Variants in CEP112 observed in about 807,000 individuals in gnomAD.
CEP112 encodes centrosomal protein of 112 kDa.
CEP112 carries 127 observed loss-of-function variants against 153.0 expected under a neutral mutation model. The ratio of observed to expected loss-of-function variants is 0.83; its 90% CI spans 0.72 to 0.96. CEP112 has a LOEUF of 0.96. Among genes scored for constraint, CEP112 ranks in the 40% least tolerant of loss-of-function variants. The pLI is 0.00. For missense variants in CEP112, 1,089 were observed against 1,101.2 expected (o/e 0.99, Z 0.16); for synonymous variants, 358 against 374.4 (o/e 0.96, Z 0.51).
chr17:65,886,749 T>A (rs1380363943), intron 20 of CEP112, among the ~76,000 whole-genome samples: 1 of 152,234 alleles, frequency 6.6e-6, no homozygotes, highest in East Asian at 1.9e-4. Context: ...AATAATTAAT[T>A]TGTGCACCAA....
At chr17:65,932,427 G>C (rs746954238) in intron 18 of CEP112, among the ~76,000 whole-genome samples, 1 of 152,182 alleles carries the variant, frequency 6.6e-6, no homozygotes, top group African/African-American at 2.4e-5. Flanking sequence ...CTAAAAATAT[G>C]AGGATCTATA....
intron 23 of CEP112, among the ~76,000 whole-genome samples, chr17:65,734,340 G>A (rs1189652267): frequency 6.6e-6 from 1 of 152,166 alleles, no homozygotes; most frequent in East Asian, 1.9e-4. Flanking sequence ...GAGGGAGACT[G>A]GAGGGTGATG....
intron 4 of CEP112, among the ~76,000 whole-genome samples, chr17:66,164,250 A>G (rs1170624362): frequency 6.6e-6 from 1 of 152,190 alleles, no homozygotes; most frequent in Non-Finnish European, 1.5e-5. Context: ...TCCATTGTAT[A>G]AAAGATTGTC....
intron 2 of CEP112, among the ~76,000 whole-genome samples, chr17:66,179,449 A>G (rs1314476194): frequency 6.6e-6 from 1 of 151,934 alleles, no homozygotes; most frequent in Non-Finnish European, 1.5e-5. Context: ...TATTTGTAGC[A>G]ATTGGAAATG....
chr17:65,932,323 C>G (rs2061155002), intron 18 of CEP112, among the ~76,000 whole-genome samples: 1 of 152,112 alleles, frequency 6.6e-6, no homozygotes, highest in Non-Finnish European at 1.5e-5. Flanking sequence ...ATCAAACGTA[C>G]AGACATGAAG....
chr17:65,962,762 A>G (rs971482603), intron 17 of CEP112, among the ~76,000 whole-genome samples: 13 of 152,058 alleles, frequency 8.5e-5, no homozygotes, highest in Non-Finnish European at 1.5e-4. Context: ...TTTTAACAAG[A>G]GGAGTTCCCC....
At chr17:66,096,230 T>G in intron 8 of CEP112, 21 bp downstream of exon 8, 3 of 1,533,024 alleles carry the variant, frequency 2.0e-6, no homozygotes, top group Non-Finnish European at 1.8e-6. Context: ...AATGGGTTTA[T>G]CAGCAATATC....
intron 21 of CEP112, among the ~76,000 whole-genome samples, chr17:65,779,647 G>A (rs926463418): frequency 3.3e-5 from 5 of 152,036 alleles, no homozygotes; most frequent in Admixed American, 6.6e-5. Flanking sequence ...GTTTCAATTC[G>A]TTTCTAGAAA....
chr17:65,684,835 A>T (rs1219201186), intron 24 of CEP112, among the ~76,000 whole-genome samples: 2 of 152,126 alleles, frequency 1.3e-5, no homozygotes, highest in Non-Finnish European at 2.9e-5. Context: ...CTTCCTGATG[A>T]CTCAGTTTCT....
chr17:65,879,064 G>C (rs75790124), intron 20 of CEP112, among the ~76,000 whole-genome samples: 428 of 152,324 alleles, frequency 2.8e-3, no homozygotes, highest in African/African-American at 9.9e-3. Flanking sequence ...TATCCCATCT[G>C]CGTAAACTGA....
At chr17:65,711,237 A>C (rs778099298) in intron 23 of CEP112, among the ~76,000 whole-genome samples, 6 of 152,174 alleles carry the variant, frequency 3.9e-5, no homozygotes, top group Non-Finnish European at 1.5e-5. Context: ...TGAAACCTTC[A>C]AATGCATGGT....
chr17:65,871,317 C>T (rs1208753172), intron 20 of CEP112, among the ~76,000 whole-genome samples: 1 of 152,092 alleles, frequency 6.6e-6, no homozygotes, highest in Non-Finnish European at 1.5e-5. Context: ...TTTTGGTGCA[C>T]TGTGTTCACT....
At chr17:65,979,251 T>C (rs984640725) in intron 17 of CEP112, among the ~76,000 whole-genome samples, 2 of 152,076 alleles carry the variant, frequency 1.3e-5, no homozygotes, top group African/African-American at 4.8e-5. Context: ...TATTTATTTA[T>C]TTTTTGCTTT....
intron 21 of CEP112, among the ~76,000 whole-genome samples, chr17:65,781,647 A>G (rs990723047): frequency 6.6e-6 from 1 of 152,228 alleles, no homozygotes; most frequent in African/African-American, 2.4e-5. Context: ...TACTGGTACA[A>G]AAACAGACAC....
chr17:65,816,640 A>G (rs901397298), intron 21 of CEP112, among the ~76,000 whole-genome samples: 1 of 152,084 alleles, frequency 6.6e-6, no homozygotes, highest in African/African-American at 2.4e-5. Context: ...CATTCCTGAG[A>G]TAAACCCTAC....
chr17:66,038,110 A>AAAAAAAAAAAAAAAAAAG (rs71293591), intron 12 of CEP112, among the ~76,000 whole-genome samples: 55 of 120,628 alleles, frequency 4.6e-4, no homozygotes, highest in African/African-American at 6.6e-4. Flanking sequence ...CAAAAAAAAA[A>AAAAAAAAAAAAAAAAAAG]AAAAGAAAAG....
intron 4 of CEP112, among the ~76,000 whole-genome samples, chr17:66,168,963 G>C (rs1247724986): frequency 2.0e-5 from 3 of 152,054 alleles, no homozygotes; most frequent in South Asian, 4.1e-4. Flanking sequence ...CCCTCCTCTT[G>C]GAAACTGTGA....
chr17:65,970,019 A>G (rs1173271190), intron 17 of CEP112, among the ~76,000 whole-genome samples: 1 of 152,204 alleles, frequency 6.6e-6, no homozygotes, highest in East Asian at 1.9e-4. Context: ...TGTATTGCGA[A>G]CATGCACGCC....
intron 17 of CEP112, among the ~76,000 whole-genome samples, chr17:65,984,585 C>T (rs866360661): frequency 6.6e-6 from 1 of 152,026 alleles, no homozygotes; most frequent in Non-Finnish European, 1.5e-5. Flanking sequence ...GAGTAAGCTA[C>T]AGGAGAATAT....
Sources: allele counts gnomAD v4.1 joint callset (sites outside exome capture counted in the v4.1 genomes callset), GRCh38; gene constraint gnomAD v4.1.1; transcripts MANE v1.5; gene names NCBI Gene and HGNC (gene_info 2026-07-23, HGNC 2026-07-21).